Variants in GRM7 observed in about 807,000 individuals in gnomAD.
GRM7 encodes metabotropic glutamate receptor 7.
In GRM7, 35 loss-of-function variants were observed where a neutral mutation model predicts 84.5. The observed-to-expected ratio is 0.41, with a 90% CI of 0.32 to 0.55. The LOEUF (loss-of-function observed/expected upper bound fraction) is 0.55. Among genes scored for constraint, GRM7 ranks in the 20% least tolerant of loss-of-function variants. The pLI is 0.19. For synonymous variants in GRM7, 487 were observed against 455.1 expected, an observed-to-expected ratio of 1.07 and a Z score of -0.89; for missense variants, 1,003 against 1,194.6, an observed-to-expected ratio of 0.84 and a Z score of 2.36.
chr3:7,697,272 T>G (rs541526783), intron 9 of GRM7, among the ~76,000 whole-genome samples: 1 of 152,196 alleles, frequency 6.6e-6, no homozygotes, highest in African/African-American at 2.4e-5. Flanking sequence ...CTTGCCCTTA[T>G]GTAACATTTT....
chr3:7,681,815 A>G (rs1700379170), intron 9 of GRM7: 1 of 152,234 alleles, frequency 6.6e-6, no homozygotes, highest in African/African-American at 2.4e-5. Context: ...CTAAAACTCA[A>G]CATAATTATG....
intron 2 of GRM7, among the ~76,000 whole-genome samples, chr3:7,238,997 C>CTTTT (rs1559520012): frequency 1.5e-5 from 2 of 137,614 alleles, no homozygotes; most frequent in African/African-American, 5.3e-5. Flanking sequence ...TTCTTTTTTC[C>CTTTT]TTTTTCTTTT....
intron 1 of GRM7, among the ~76,000 whole-genome samples, chr3:7,031,307 C>A (rs1696173714): frequency 6.6e-6 from 1 of 151,930 alleles, no homozygotes; most frequent in Non-Finnish European, 1.5e-5. Flanking sequence ...GATGCATTTC[C>A]CTTGATTTAG....
intron 8 of GRM7, among the ~76,000 whole-genome samples, chr3:7,668,518 T>C (rs561173023): frequency 2.0e-5 from 3 of 152,308 alleles, no homozygotes; most frequent in Admixed American, 6.5e-5. Context: ...AAAAGTTGCT[T>C]TGAGAACTTG....
At chr3:7,002,410 GAATC>G (rs1490141694) in intron 1 of GRM7, among the ~76,000 whole-genome samples, 1 of 152,124 alleles carries the variant, frequency 6.6e-6, no homozygotes, top group African/African-American at 2.4e-5. Context: ...TTAATAGATT[GAATC>G]ATTTTCAAAA....
At chr3:7,022,911 A>G (rs1017037258) in intron 1 of GRM7, among the ~76,000 whole-genome samples, 3 of 152,212 alleles carry the variant, frequency 2.0e-5, no homozygotes, top group African/African-American at 7.2e-5. Flanking sequence ...GGCAGTAGTC[A>G]GAGTAATTAT....
At chr3:7,668,645 A>G (rs1462662168) in intron 8 of GRM7, among the ~76,000 whole-genome samples, 1 of 152,236 alleles carries the variant, frequency 6.6e-6, no homozygotes, top group African/African-American at 2.4e-5. Flanking sequence ...GTAGAAGAAC[A>G]TACTAGGGGA....
intron 1 of GRM7, among the ~76,000 whole-genome samples, chr3:7,000,168 C>CTTTT (rs35703323): frequency 1.3e-5 from 1 of 77,746 alleles, no homozygotes. Context: ...GAGGTTGTGA[C>CTTTT]TTTTTTTTTT....
At chr3:7,697,886 G>T (rs991802493) in intron 9 of GRM7, among the ~76,000 whole-genome samples, 1 of 152,126 alleles carries the variant, frequency 6.6e-6, no homozygotes, top group Non-Finnish European at 1.5e-5. Flanking sequence ...TTACTGTAGG[G>T]GTTATAAAGA....
At chr3:6,938,786 A>T (rs1697782730) in intron 1 of GRM7, among the ~76,000 whole-genome samples, 2 of 152,192 alleles carry the variant, frequency 1.3e-5, no homozygotes, top group South Asian at 4.1e-4. Flanking sequence ...AATGAAGGAG[A>T]CTGGTTGTAA....
chr3:7,619,036 C>A (rs528098636), intron 8 of GRM7, among the ~76,000 whole-genome samples: 1 of 152,190 alleles, frequency 6.6e-6, no homozygotes, highest in East Asian at 1.9e-4. Context: ...CTTTGACCAT[C>A]ATGCTAGAGA....
chr3:7,099,357 C>CATGTATTATACATGTATATATGTAT (rs1559438993), intron 1 of GRM7, among the ~76,000 whole-genome samples: 3 of 118,334 alleles, frequency 2.5e-5, no homozygotes, highest in South Asian at 2.7e-4. Context: ...TATATATGTA[C>CATGTATTATACATGTATATATGTAT]ACATGTATAC....
At chr3:6,874,197 T>A (rs912198666) in intron 1 of GRM7, among the ~76,000 whole-genome samples, 4 of 152,212 alleles carry the variant, frequency 2.6e-5, no homozygotes, top group African/African-American at 9.7e-5. Context: ...TTGTTTGGCA[T>A]ATAGCAAGTG....
intron 1 of GRM7, among the ~76,000 whole-genome samples, chr3:6,969,848 C>T (rs1176219661): frequency 1.3e-5 from 2 of 152,158 alleles, no homozygotes; most frequent in African/African-American, 4.8e-5. Flanking sequence ...CGTATGTTCC[C>T]AGAGTACAAG....
chr3:7,202,772 A>G (rs1039254679), intron 2 of GRM7, among the ~76,000 whole-genome samples: 1 of 152,208 alleles, frequency 6.6e-6, no homozygotes, highest in Admixed American at 6.5e-5. Context: ...ATCTCCAGGG[A>G]AGGGGTTTAG....
chr3:7,169,709 T>C (rs1341418361), intron 2 of GRM7, among the ~76,000 whole-genome samples: 11 of 152,162 alleles, frequency 7.2e-5, no homozygotes, highest in Non-Finnish European at 1.5e-5. Flanking sequence ...TTTGGGGCAA[T>C]GGTTTGCTTA....
intron 4 of GRM7, among the ~76,000 whole-genome samples, chr3:7,349,136 C>G (rs1017407690): frequency 2.1e-4 from 32 of 152,010 alleles, no homozygotes; most frequent in African/African-American, 7.7e-4. Flanking sequence ...GTCTGACAGG[C>G]TCTTACAGTC....
chr3:7,221,938 C>T (rs1696818160), intron 2 of GRM7, among the ~76,000 whole-genome samples: 1 of 151,258 alleles, frequency 6.6e-6, no homozygotes, highest in African/African-American at 2.4e-5. Context: ...TCCCAAGTAG[C>T]TGGGATTATA....
At chr3:6,875,002 G>A (rs572502460) in intron 1 of GRM7, among the ~76,000 whole-genome samples, 55 of 152,160 alleles carry the variant, frequency 3.6e-4, no homozygotes, top group Admixed American at 1.3e-3. Context: ...TCAAGTGTGG[G>A]GTCTTACTCA....
Sources: allele counts gnomAD v4.1 joint callset (sites outside exome capture counted in the v4.1 genomes callset), GRCh38; gene constraint gnomAD v4.1.1; transcripts MANE v1.5; gene names NCBI Gene and HGNC (gene_info 2026-07-23, HGNC 2026-07-21).